HS3ST4: variants seen among roughly 807,000 people sequenced by gnomAD.
HS3ST4 encodes the protein heparan sulfate-glucosamine 3-sulfotransferase 4.
A neutral mutation model predicts 29.2 loss-of-function variants in HS3ST4; 17 were observed. The observed-to-expected ratio is 0.58, with a 90% confidence interval of 0.40 to 0.87. HS3ST4 has a LOEUF of 0.87. HS3ST4 is among the 40% of genes least tolerant of loss of function. The pLI, the probability that HS3ST4 is intolerant of heterozygous loss-of-function variation, is 0.00. For synonymous variants in HS3ST4, 314 were observed against 285.7 expected (o/e 1.10, Z -1.00); for missense variants, 627 against 634.5 (o/e 0.99, Z 0.13).
chr16:26,080,166 G>A (rs1336189841), intron 1 of HS3ST4, among the ~76,000 whole-genome samples: 2 of 152,054 alleles, frequency 1.3e-5, no homozygotes, highest in South Asian at 2.1e-4. Context: ...TGAGGTTCGA[G>A]GAGTCAGGAC....
At chr16:25,815,793 C>T (rs1457532397) in intron 1 of HS3ST4, among the ~76,000 whole-genome samples, 4 of 152,148 alleles carry the variant, frequency 2.6e-5, no homozygotes, top group Non-Finnish European at 4.4e-5. Context: ...TTAACTCACT[C>T]AACTCATCAC....
intron 1 of HS3ST4, among the ~76,000 whole-genome samples, chr16:25,820,041 AAAAAAAAAGAAAAAG>A (rs1967133704): frequency 6.7e-6 from 1 of 148,618 alleles, no homozygotes; most frequent in African/African-American, 2.5e-5. Context: ...AAAAAAAAAA[AAAAAAAAAGAAAAAG>A]AAAAAAAGAG....
intron 1 of HS3ST4, among the ~76,000 whole-genome samples, chr16:25,963,448 T>C (rs1423145362): frequency 4.6e-5 from 7 of 152,212 alleles, no homozygotes; most frequent in Non-Finnish European, 1.0e-4. Flanking sequence ...ATATTGGGAA[T>C]ATTCCCACTA....
At chr16:25,843,459 C>A (rs1267773400) in intron 1 of HS3ST4, among the ~76,000 whole-genome samples, 2 of 152,180 alleles carry the variant, frequency 1.3e-5, no homozygotes, top group Non-Finnish European at 2.9e-5. Flanking sequence ...CATGACCTAG[C>A]CTCAGACCTG....
At chr16:26,114,277 CT>C (rs141404736) in intron 1 of HS3ST4, among the ~76,000 whole-genome samples, 2 of 152,090 alleles carry the variant, frequency 1.3e-5, no homozygotes, top group Non-Finnish European at 2.9e-5. Context: ...TCCTTATGGT[CT>C]TTTTTTCCCT....
intron 1 of HS3ST4, among the ~76,000 whole-genome samples, chr16:25,698,049 C>T (rs1376186478): frequency 6.6e-6 from 1 of 151,962 alleles, no homozygotes; most frequent in Admixed American, 6.6e-5. Flanking sequence ...GTAGCAAAGT[C>T]CTGGAAAGTA....
intron 1 of HS3ST4, among the ~76,000 whole-genome samples, chr16:26,019,424 G>T (rs1259361461): frequency 6.6e-6 from 1 of 152,042 alleles, no homozygotes; most frequent in East Asian, 1.9e-4. Flanking sequence ...ATCCGTAATT[G>T]AATGGTTTAC....
intron 1 of HS3ST4, among the ~76,000 whole-genome samples, chr16:25,930,945 TG>T (rs1320426001): frequency 1.3e-5 from 2 of 152,260 alleles, no homozygotes; most frequent in African/African-American, 4.8e-5. Flanking sequence ...AGCTAATTTT[TG>T]TGTTTTTTAT....
At chr16:25,750,873 C>T (rs1019168171) in intron 1 of HS3ST4, among the ~76,000 whole-genome samples, 2 of 152,108 alleles carry the variant, frequency 1.3e-5, no homozygotes, top group Non-Finnish European at 2.9e-5. Context: ...TCTTTGCTGC[C>T]TTAGGAATAA....
Position 26,004,709 on chromosome 16 carries a change from C to T in HS3ST4, c.735-130903C>T, listed in dbSNP as rs886534570. 1.1e-4 allele frequency among the ~76,000 whole-genome samples: 17 copies of T among 152,236 alleles called. 1 individual carries two copies. Among genetic ancestry groups the T allele is most frequent in the African/African-American group, 3.9e-4 (16 of 41,544 alleles). On this transcript the variant is annotated intron_variant, in intron 1 of 1. Transcript: ENST00000331351. ...GGGGCTCAGTTTCCAACTGGGGAAA[C>T]TTAAATCATTTTGGTTAAATATGAT...
At chr16:25,903,027 A>G (rs138565869) in intron 1 of HS3ST4, among the ~76,000 whole-genome samples, 39 of 151,902 alleles carry the variant, frequency 2.6e-4, no homozygotes, top group African/African-American at 8.9e-4. Context: ...CCTCAAAAAA[A>G]AAAAAAAATG....
At chr16:25,894,023 A>T (rs1014706396) in intron 1 of HS3ST4, among the ~76,000 whole-genome samples, 1 of 152,168 alleles carries the variant, frequency 6.6e-6, no homozygotes, top group African/African-American at 2.4e-5. Flanking sequence ...GTACTAATGC[A>T]TGTCAGGTGA....
chr16:25,921,889 G>C (rs1968358560), intron 1 of HS3ST4, among the ~76,000 whole-genome samples: 1 of 151,790 alleles, frequency 6.6e-6, no homozygotes, highest in Admixed American at 6.6e-5. Context: ...CAAGTAGCTG[G>C]GACTACAGGC....
intron 1 of HS3ST4, among the ~76,000 whole-genome samples, chr16:25,908,139 G>A (rs1404186172): frequency 1.3e-5 from 2 of 152,154 alleles, no homozygotes; most frequent in Admixed American, 1.3e-4. Context: ...GCTGATTTTC[G>A]GAGCTTGGAA....
Position 25,783,691 on chromosome 16 carries a change from G to A in HS3ST4, c.734+90540G>A, listed in dbSNP as rs578099838. On this transcript the variant is annotated intron_variant, in intron 1 of 1. Coordinates refer to ENST00000331351, the MANE Select transcript of HS3ST4 (RefSeq NM_006040.3). ...AAAGATGTTTCTGAACTTTTTTATTGTGGTAAAATATACAAAACATTAAAT... is the reference window on the plus strand; with the variant it reads ...AAAGATGTTTCTGAACTTTTTTATTATGGTAAAATATACAAAACATTAAAT... Among the ~76,000 whole-genome samples, 7 of 152,186 alleles carry A rather than the reference G, an allele frequency of 4.6e-5. No homozygotes were observed. In the East Asian group the frequency reaches 1.2e-3, roughly 25 times the overall value.
At chr16:25,840,740 T>A (rs1967403415) in intron 1 of HS3ST4, among the ~76,000 whole-genome samples, 1 of 152,176 alleles carries the variant, frequency 6.6e-6, no homozygotes, top group African/African-American at 2.4e-5. Flanking sequence ...TTTAATCACC[T>A]ACAGAACATC....
At chr16:26,094,394 C>T (rs2141791943) in intron 1 of HS3ST4, among the ~76,000 whole-genome samples, 1 of 152,322 alleles carries the variant, frequency 6.6e-6, no homozygotes, top group South Asian at 2.1e-4. Flanking sequence ...AAGGGAAGCC[C>T]ATCAGACTAA....
chr16:26,136,202 T>C lies in HS3ST4; in HGVS notation c.1325T>C (p.Met442Thr), dbSNP rs760005033. 14 of 1,613,268 alleles carry C rather than the reference T, an allele frequency of 8.7e-6. No individual in the cohort carries two copies. Among genetic ancestry groups the C allele is most frequent in the Non-Finnish European group, 1.2e-5 (14 of 1,179,718 alleles). The stretch of plus-strand genomic sequence containing the variant: ...CCCTTCAACTTGATGTTTTACCAAA[T>C]GACTGGTCAAGATTTTCAGTGGGAA... ...YKPFNLMFYQ[M>T]TGQDFQWEQE... Residue 442 changes from methionine to threonine, a missense_variant, in exon 2 of 2, where the codon ATG (methionine) becomes ACG (threonine). Met to Thr is a moderately conservative substitution (Grantham distance 81, BLOSUM62 -1). Transcript: ENST00000331351.
intron 1 of HS3ST4, among the ~76,000 whole-genome samples, chr16:26,020,298 G>A (rs1207727231): frequency 6.6e-6 from 1 of 152,158 alleles, no homozygotes; most frequent in Admixed American, 6.5e-5. Context: ...AGTGTCTAGG[G>A]CCACAGCTCT....
Sources: allele counts gnomAD v4.1 joint callset (sites outside exome capture counted in the v4.1 genomes callset), GRCh38; gene constraint gnomAD v4.1.1; transcripts MANE v1.5; gene names NCBI Gene and HGNC (gene_info 2026-07-23, HGNC 2026-07-21).